Variants in GRIN2B observed in about 807,000 individuals in gnomAD.
GRIN2B encodes glutamate ionotropic receptor NMDA type subunit 2B, also known as glutamate receptor ionotropic, NMDA 2B.
Under a neutral mutation model 114.5 loss-of-function variants are expected in GRIN2B, and 5 were observed. The observed-to-expected ratio is 0.04, with a 90% CI of 0.02 to 0.09. The LOEUF is 0.09. Among genes scored for constraint, GRIN2B ranks in the 10% least tolerant of loss-of-function variants. The pLI, the probability that GRIN2B is intolerant of heterozygous loss-of-function variation, is 1.00. For synonymous variants in GRIN2B, 787 were observed against 745.1 expected, an observed-to-expected ratio of 1.06 and a Z score of -0.92; for missense variants, 1,108 against 1,943.5, an observed-to-expected ratio of 0.57 and a Z score of 8.08.
chr12:13,834,543 AT>A (rs991417071), intron 3 of GRIN2B, among the ~76,000 whole-genome samples: 7 of 152,112 alleles, frequency 4.6e-5, no homozygotes, highest in African/African-American at 1.7e-4. Flanking sequence ...CTGGGTTCCC[AT>A]CATGTCACTG....
intron 2 of GRIN2B, among the ~76,000 whole-genome samples, chr12:13,874,773 A>C: frequency 6.6e-6 from 1 of 152,156 alleles, no homozygotes; most frequent in East Asian, 1.9e-4. Flanking sequence ...GCAGATGATA[A>C]AAGGAGAAGC....
chr12:13,732,712 G>A (rs1863105564), intron 4 of GRIN2B, among the ~76,000 whole-genome samples: 1 of 152,166 alleles, frequency 6.6e-6, no homozygotes. Flanking sequence ...CCTTCACAGT[G>A]AGTATAGCTC....
intron 3 of GRIN2B, among the ~76,000 whole-genome samples, chr12:13,783,770 G>C (rs965519801): frequency 6.6e-6 from 1 of 152,100 alleles, no homozygotes; most frequent in Admixed American, 6.5e-5. Context: ...TAGACAAAGA[G>C]GCCTGCTCCA....
chr12:13,889,270 A>G (rs925540327), intron 2 of GRIN2B, among the ~76,000 whole-genome samples: 5 of 152,226 alleles, frequency 3.3e-5, no homozygotes, highest in Non-Finnish European at 7.3e-5. Flanking sequence ...TATGTGGTCC[A>G]TTGTACACGT....
chr12:13,599,530 A>C (rs575877879), intron 10 of GRIN2B, among the ~76,000 whole-genome samples: 1 of 152,256 alleles, frequency 6.6e-6, no homozygotes, highest in East Asian at 1.9e-4. Flanking sequence ...TTAGTTGTTC[A>C]GAAGTGAAAC....
chr12:13,724,100 G>T (rs1008589969), intron 4 of GRIN2B, among the ~76,000 whole-genome samples: 1 of 152,134 alleles, frequency 6.6e-6, no homozygotes, highest in Non-Finnish European at 1.5e-5. Flanking sequence ...AAGGAAATAA[G>T]TCTGCCTTTA....
intron 4 of GRIN2B, among the ~76,000 whole-genome samples, chr12:13,680,260 T>A (rs1448055203): frequency 6.6e-6 from 1 of 152,120 alleles, no homozygotes; most frequent in Non-Finnish European, 1.5e-5. Context: ...CCTCGAAACG[T>A]TCATGTGTGA....
chr12:13,675,661 C>T (rs2136540766), intron 5 of GRIN2B, 84 bp downstream of exon 5: 5 of 851,274 alleles, frequency 5.9e-6, no homozygotes, highest in South Asian at 4.0e-5. Flanking sequence ...GGACAAAAGC[C>T]AAAGGACTAC....
At chr12:13,869,002 T>C (rs1392105071) in intron 2 of GRIN2B, among the ~76,000 whole-genome samples, 2 of 152,196 alleles carry the variant, frequency 1.3e-5, no homozygotes, top group African/African-American at 4.8e-5. Flanking sequence ...CCATAAGTCT[T>C]GATGCACCTG....
At chr12:13,622,830 C>T (rs940989326) in intron 5 of GRIN2B, among the ~76,000 whole-genome samples, 3 of 152,204 alleles carry the variant, frequency 2.0e-5, no homozygotes, top group African/African-American at 7.2e-5. Context: ...CATTCATTCA[C>T]TCATGAGGGC....
At chr12:13,611,955 CAAT>C (rs1005664749) in intron 8 of GRIN2B, 105 bp from the exon 9 acceptor site, 30 of 1,161,274 alleles carry the variant, frequency 2.6e-5, no homozygotes, top group Non-Finnish European at 3.6e-5. Flanking sequence ...GAACAAACCA[CAAT>C]GTGTTGTCTG....
At chr12:13,583,353 T>C (rs1253356048) in intron 10 of GRIN2B, among the ~76,000 whole-genome samples, 1 of 152,192 alleles carries the variant, frequency 6.6e-6, no homozygotes, top group East Asian at 1.9e-4. Flanking sequence ...TGCTATGAGG[T>C]AGGCATTATT....
chr12:13,699,171 C>T (rs1028044286), intron 4 of GRIN2B, among the ~76,000 whole-genome samples: 15 of 152,126 alleles, frequency 9.9e-5, no homozygotes, highest in African/African-American at 3.6e-4. Flanking sequence ...TATCAGTGAA[C>T]TTTCTTCTGT....
intron 3 of GRIN2B, among the ~76,000 whole-genome samples, chr12:13,819,155 G>A (rs1322446015): frequency 6.6e-6 from 1 of 152,106 alleles, no homozygotes; most frequent in African/African-American, 2.4e-5. Flanking sequence ...CACACAAGAA[G>A]ACACCAGGAC....
intron 4 of GRIN2B, among the ~76,000 whole-genome samples, chr12:13,712,644 C>G (rs1050844374): frequency 1.3e-4 from 19 of 151,670 alleles, no homozygotes; most frequent in African/African-American, 4.6e-4. Flanking sequence ...TGTTGAAACA[C>G]CTAGTGTGCT....
chr12:13,835,913 T>C (rs1865254507), intron 3 of GRIN2B, among the ~76,000 whole-genome samples: 1 of 151,816 alleles, frequency 6.6e-6, no homozygotes, highest in African/African-American at 2.4e-5. Flanking sequence ...AGTTCAACTA[T>C]GAAGAAGAAG....
At chr12:13,730,987 G>GC (rs1863079217) in intron 4 of GRIN2B, among the ~76,000 whole-genome samples, 1 of 151,968 alleles carries the variant, frequency 6.6e-6, no homozygotes, top group African/African-American at 2.4e-5. Flanking sequence ...TCTCCACCAG[G>GC]CCTGTGTCCT....
At position 13,679,058 on chromosome 12, in the gene GRIN2B, G is replaced by A. The variant is rs546522988; in HGVS notation, c.1011-3199C>T. On this transcript the variant is annotated intron_variant, in intron 4 of 13. Transcript: ENST00000609686. ...AGGAAGGAAAGAAAGAGAGGAAAAG[G>A]AGGAAGGAAGAGAGAGATGGAGGAG... is the stretch of plus-strand genomic sequence containing the variant. 3.3e-5 allele frequency among the ~76,000 whole-genome samples: 5 copies of A among 151,940 alleles called. No individual in the cohort carries two copies. The South Asian group carries it at 1.0e-3, about 32-fold the overall frequency.
intron 10 of GRIN2B, among the ~76,000 whole-genome samples, chr12:13,599,395 C>T (rs1194478032): frequency 3.9e-5 from 6 of 152,170 alleles, no homozygotes; most frequent in Admixed American, 2.0e-4. Flanking sequence ...CCCAGAGCAG[C>T]CCTGGCCACA....
Sources: gnomAD v4.1 joint callset for allele counts (sites outside exome capture counted in the v4.1 genomes callset) on GRCh38, gnomAD v4.1.1 for gene constraint, MANE v1.5 for transcripts, NCBI Gene and HGNC (gene_info 2026-07-23, HGNC 2026-07-21) for gene names.